Variants in LHX8 observed in about 807,000 individuals in gnomAD.
LHX8 encodes the protein LIM/homeobox protein Lhx8.
LHX8 carries 12 observed loss-of-function variants against 40.3 expected under a neutral mutation model. That is an observed-to-expected ratio of 0.30 (90% CI 0.19 to 0.48). LHX8 has a LOEUF of 0.48. LHX8 is among the 20% of genes least tolerant of loss of function. The pLI, the probability that LHX8 is intolerant of heterozygous loss-of-function variation, is 0.99. For missense variants in LHX8, 344 were observed against 433.7 expected, an observed-to-expected ratio of 0.79 and a Z score of 1.84; for synonymous variants, 179 against 162.0, an observed-to-expected ratio of 1.10 and a Z score of -0.80.
chr1:75,174,720 A>C, the LHX8 span, among the ~76,000 whole-genome samples: 1 of 152,348 alleles, frequency 6.6e-6, no homozygotes, highest in Non-Finnish European at 1.5e-5. Context: ...CATATTATAC[A>C]AGGTAGAACA....
chr1:75,181,111 G>T, the LHX8 span, among the ~76,000 whole-genome samples: 2 of 152,306 alleles, frequency 1.3e-5, no homozygotes, highest in Non-Finnish European at 2.9e-5. Flanking sequence ...CTGGCTGTAT[G>T]AGGTGTCAAT....
intron 4 of LHX8, among the ~76,000 whole-genome samples, chr1:75,141,995 T>C (rs1326308995): frequency 6.6e-6 from 1 of 152,152 alleles, no homozygotes; most frequent in Non-Finnish European, 1.5e-5. Context: ...CCCAGAGTCT[T>C]TTATAAAATC....
At chr1:75,155,639 C>G (rs1648743834) in intron 7 of LHX8, among the ~76,000 whole-genome samples, 1 of 152,154 alleles carries the variant, frequency 6.6e-6, no homozygotes, top group African/African-American at 2.4e-5. Flanking sequence ...CTTACTTGCC[C>G]TGACCTGGAT....
At chr1:75,173,578 T>C in the LHX8 span, among the ~76,000 whole-genome samples, 1 of 151,764 alleles carries the variant, frequency 6.6e-6, no homozygotes. Flanking sequence ...GAGACGGGAT[T>C]TCACCGTGTT....
At position 75,136,598 on chromosome 1, in the gene LHX8, C is replaced by G. The variant is rs1443216791; in HGVS notation, c.-12-5C>G. The G allele has an allele frequency of 3.2e-6, 5 of 1,547,290 alleles. No homozygotes were observed. The highest frequency in any genetic ancestry group is 4.4e-6 in the Non-Finnish European group (5 of 1,143,926). ...TCCATACTTTCTCCCCCTCCTACTC[C>G]GCAGTGTCAGGGGCTCATGTCAGAG... On this transcript the variant is annotated splice_region_variant and splice_polypyrimidine_tract_variant and intron_variant, in intron 1 of 8. Transcript: ENST00000356261.
At chr1:75,139,958 T>C (rs1032075119) in intron 3 of LHX8, among the ~76,000 whole-genome samples, 3 of 152,228 alleles carry the variant, frequency 2.0e-5, no homozygotes, top group Non-Finnish European at 2.9e-5. Flanking sequence ...TTTTAGGGTG[T>C]AATTGGTGTT....
chr1:75,167,911 A>G, the LHX8 span, among the ~76,000 whole-genome samples: 2 of 152,208 alleles, frequency 1.3e-5, no homozygotes, highest in African/African-American at 4.8e-5. Context: ...TTGGGTCATT[A>G]TCGAGTAATT....
chr1:75,131,054 G>A, upstream of LHX8: 1 of 435,418 alleles, frequency 2.3e-6, no homozygotes, highest in Non-Finnish European at 4.3e-6. Context: ...AGGGCCGCGG[G>A]CCAGGGAAAG....
downstream of LHX8, among the ~76,000 whole-genome samples, chr1:75,162,679 A>G (rs1383061576): frequency 6.6e-6 from 1 of 152,198 alleles, no homozygotes; most frequent in East Asian, 1.9e-4. Context: ...AAAATAGATG[A>G]GATTTATATA....
chr1:75,161,167 AT>A lies in LHX8; in HGVS notation c.*275del. The A allele has an allele frequency of 2.6e-6, 1 of 381,796 alleles. No individual in the cohort carries two copies. The highest frequency in any genetic ancestry group is 3.2e-5 in the South Asian group (1 of 31,164). The allele number at this position is 381,796 out of a possible 1,614,324, so 23.7% of individuals were successfully genotyped here. A position where few individuals can be genotyped will look rare whatever the true frequency, so the allele number is the denominator to read the frequency against. ...AGTTCACTCTAGTGTGTATCTGTTA[AT>A]TTATTTGTCATCAAAAGAGCACTTT... On this transcript the variant is annotated 3_prime_UTR_variant, in exon 9 of 9. Coordinates refer to ENST00000356261, the MANE Select transcript of LHX8 (RefSeq NM_001256114.2).
At position 75,136,672 on chromosome 1, in the gene LHX8, G is replaced by A. The variant is rs1393862322; in HGVS notation, c.58G>A (p.Ala20Thr). ...ALAAGRTRKG[A>T]GEEGLVSPEG... is the part of the protein sequence containing the mutation. ...GGCGGCCGGGAGGACTCGCAAAGGCGCCGGGGAAGAGGGACTGGTGAGTGC... is the reference window on the plus strand; with the variant it reads ...GGCGGCCGGGAGGACTCGCAAAGGCACCGGGGAAGAGGGACTGGTGAGTGC... The change falls in exon 2 of 9, where the codon GCC becomes ACC. Residue 20 changes from alanine (A) to threonine (T), a missense_variant. Around this residue, in one of 3 missense-constraint regions of LHX8, gnomAD observed 108 missense variants for 90.1 expected, o/e 1.20. Coordinates refer to ENST00000356261, the MANE Select transcript of LHX8 (RefSeq NM_001256114.2). 2.6e-6 allele frequency: 4 copies of A among 1,546,786 alleles called. No homozygotes were observed. Among genetic ancestry groups the A allele is most frequent in the South Asian group, 1.2e-5 (1 of 84,030 alleles).
chr1:75,181,672 G>A, the LHX8 span, among the ~76,000 whole-genome samples: 25 of 152,270 alleles, frequency 1.6e-4, no homozygotes, highest in African/African-American at 3.1e-4. Context: ...GCGATGCCCC[G>A]CCCTGCTTTG....
At chr1:75,139,541 C>T (rs951011195) in intron 3 of LHX8, among the ~76,000 whole-genome samples, 8 of 152,110 alleles carry the variant, frequency 5.3e-5, no homozygotes, top group African/African-American at 1.7e-4. Context: ...AAACTTTATA[C>T]TGGTTGGTCC....
At chr1:75,152,164 GA>G (rs1353445372) in intron 7 of LHX8, among the ~76,000 whole-genome samples, 6 of 152,068 alleles carry the variant, frequency 3.9e-5, no homozygotes, top group African/African-American at 1.2e-4. Flanking sequence ...TAATATTTTA[GA>G]AAGGTAAGAA....
At chr1:75,156,575 G>A (rs1449831586) in intron 7 of LHX8, among the ~76,000 whole-genome samples, 1 of 151,978 alleles carries the variant, frequency 6.6e-6, no homozygotes, top group Non-Finnish European at 1.5e-5. Context: ...GCATTCAAGG[G>A]GTAACCTTAA....
At chr1:75,187,271 A>G in the LHX8 span, among the ~76,000 whole-genome samples, 1 of 152,066 alleles carries the variant, frequency 6.6e-6, no homozygotes, top group Admixed American at 6.6e-5. Context: ...AAAACTACCA[A>G]ATGAGTCCAG....
chr1:75,146,107 A>C (rs1451446951), intron 6 of LHX8, among the ~76,000 whole-genome samples: 1 of 152,190 alleles, frequency 6.6e-6, no homozygotes, highest in Non-Finnish European at 1.5e-5. Context: ...TTTTAGCCAG[A>C]CACTCTAATA....
the LHX8 span, among the ~76,000 whole-genome samples, chr1:75,197,749 A>C: frequency 6.6e-6 from 1 of 152,194 alleles, no homozygotes; most frequent in Non-Finnish European, 1.5e-5. Context: ...GACAGATTTG[A>C]AGCCTGCAGT....
At chr1:75,148,440 A>G in intron 6 of LHX8, 147 bp from the exon 7 acceptor site, 1 of 681,990 alleles carries the variant, frequency 1.5e-6, no homozygotes, top group Non-Finnish European at 2.7e-6. Context: ...ATTCGTTTTC[A>G]CTTACCCATA....
Sources: allele counts gnomAD v4.1 joint callset (sites outside exome capture counted in the v4.1 genomes callset), GRCh38; gene constraint gnomAD v4.1.1; regional missense constraint gnomAD v4.1.1; transcripts MANE v1.5; gene names NCBI Gene and HGNC (gene_info 2026-07-23, HGNC 2026-07-21).